Variants in LAMA3 observed in about 807,000 individuals in gnomAD.
LAMA3 encodes the protein laminin subunit alpha-3.
In LAMA3, 281 loss-of-function variants were observed where a neutral mutation model predicts 402.0. The ratio of observed to expected loss-of-function variants is 0.70; its 90% CI spans 0.63 to 0.77. The LOEUF is 0.77. Among genes scored for constraint, LAMA3 ranks in the 30% least tolerant of loss-of-function variants. LAMA3 has a pLI of 0.00. For synonymous variants in LAMA3, 1,431 were observed against 1,558.4 expected (o/e 0.92, Z 1.93); for missense variants, 3,840 against 4,215.5 (o/e 0.91, Z 2.47).
intron 44 of LAMA3, chr18:23,898,500 T>C: frequency 1.8e-6 from 1 of 547,752 alleles, no homozygotes; most frequent in Non-Finnish European, 3.2e-6. Context: ...TTAATTCAAG[T>C]GAAGTAGCTC....
At position 23,763,403 on chromosome 18, in the gene LAMA3, A is replaced by G. The variant is rs756617534; in HGVS notation, c.1064-2A>G. On this transcript the variant is annotated splice_acceptor_variant, in intron 7 of 74. Transcript: ENST00000313654. LOFTEE classifies it high-confidence loss of function. ...TATTGACTTATTATGCTTTTTTTTC[A>G]GCATGCAACTGCCACGGCCATGCCA... is the stretch of plus-strand genomic sequence containing the variant. 73 of 1,596,796 alleles carry G rather than the reference A, an allele frequency of 4.6e-5. No individual in the cohort carries two copies. The highest frequency in any genetic ancestry group is 6.0e-5 in the Non-Finnish European group (70 of 1,164,346).
At chr18:23,813,549 C>CTTTTT (rs2063116117) in intron 14 of LAMA3, among the ~76,000 whole-genome samples, 1 of 132,338 alleles carries the variant, frequency 7.6e-6, no homozygotes. Context: ...CTTTTCTTTT[C>CTTTTT]TTTCTTTTTT....
At chr18:23,832,282 G>A (rs907141753) in intron 23 of LAMA3, among the ~76,000 whole-genome samples, 3 of 152,126 alleles carry the variant, frequency 2.0e-5, no homozygotes, top group African/African-American at 4.8e-5. Flanking sequence ...CTCGCCACAC[G>A]GAGCAGTGGC....
At position 23,877,630 on chromosome 18, in the gene LAMA3, CA is replaced by C. The variant is rs368669425; in HGVS notation, c.5112+1224del. ...GAACTGCTTCCTCTGCAAGATGGGA[CA>C]GGCTAGAAGAGGAAATTGTTGTGAA... On this transcript the variant is annotated intron_variant, in intron 39 of 74. Coordinates refer to ENST00000313654, the MANE Select transcript of LAMA3 (RefSeq NM_198129.4). 2.3e-3 allele frequency among the ~76,000 whole-genome samples: 351 copies of C among 152,264 alleles called. 3 individuals carry two copies. Among genetic ancestry groups the C allele is most frequent in the African/African-American group, 7.8e-3 (326 of 41,532 alleles).
chr18:23,874,967 G>A (rs191149215), intron 38 of LAMA3, among the ~76,000 whole-genome samples: 1 of 152,144 alleles, frequency 6.6e-6, no homozygotes, highest in Non-Finnish European at 1.5e-5. Flanking sequence ...AGGTTCAAGC[G>A]ATCCTCCCAC....
intron 59 of LAMA3, among the ~76,000 whole-genome samples, chr18:23,915,962 T>G (rs1599087679): frequency 8.3e-6 from 1 of 120,604 alleles, no homozygotes; most frequent in Non-Finnish European, 1.6e-5. Context: ...GCCAAGATCA[T>G]GCCACTGCAC....
At chr18:23,749,641 C>G in intron 4 of LAMA3, 95 bp downstream of exon 4, 3 of 816,570 alleles carry the variant, frequency 3.7e-6, no homozygotes, top group Non-Finnish European at 6.6e-6. Context: ...CTTTCAAGGA[C>G]ATCTAACATA....
chr18:23,733,884 G>A (rs556735790), intron 2 of LAMA3, among the ~76,000 whole-genome samples: 36 of 152,250 alleles, frequency 2.4e-4, no homozygotes, highest in South Asian at 1.7e-3. Context: ...CTGATCTACC[G>A]AATTTGAGCT....
At chr18:23,908,533 C>CAAAAA (rs111961159) in intron 54 of LAMA3, among the ~76,000 whole-genome samples, 8 of 56,882 alleles carry the variant, frequency 1.4e-4, no homozygotes, top group African/African-American at 2.2e-4. Context: ...CCATCTCAAA[C>CAAAAA]AAAAAAAAAA....
Position 23,758,516 on chromosome 18 carries a change from G to A in LAMA3, c.1063+5G>A, listed in dbSNP as rs2061899862. ...AGCAGAGCCACGAGTGTGAAGGTGG[G>A]TGTGGGGATGGGGTGGGGGCCACAC... On this transcript the variant is annotated splice_donor_5th_base_variant and intron_variant, in intron 7 of 74. Transcript: ENST00000313654. 1 of 1,608,596 alleles carries A rather than the reference G, an allele frequency of 6.2e-7. No homozygotes were observed. The highest frequency in any genetic ancestry group is 8.5e-7 in the Non-Finnish European group (1 of 1,176,938).
chr18:23,792,145 A>T (rs951363251), intron 12 of LAMA3, among the ~76,000 whole-genome samples: 1 of 151,726 alleles, frequency 6.6e-6, no homozygotes, highest in African/African-American at 2.4e-5. Context: ...GTTGCCGTGA[A>T]CTCCTTACCC....
chr18:23,922,636 A>C (rs1489085543), intron 62 of LAMA3, among the ~76,000 whole-genome samples: 1 of 152,250 alleles, frequency 6.6e-6, no homozygotes, highest in Admixed American at 6.5e-5. Context: ...ACAAATGAAG[A>C]AATTCAGAGC....
chr18:23,898,951 T>C lies in LAMA3; in HGVS notation c.5725-3T>C, dbSNP rs779221319. On this transcript the variant is annotated splice_region_variant and splice_polypyrimidine_tract_variant and intron_variant, in intron 45 of 74. Coordinates refer to ENST00000313654, the MANE Select transcript of LAMA3 (RefSeq NM_198129.4). ...GCTGCTAATCAATTTATTTTTCATA[T>C]AGGCTCAAGTAAATTCCAGAAAAGC... 3.1e-6 allele frequency: 5 copies of C among 1,611,282 alleles called. No individual in the cohort carries two copies. Among genetic ancestry groups the C allele is most frequent in the South Asian group, 2.2e-5 (2 of 91,018 alleles).
At chr18:23,873,037 G>A (rs1239224903) in intron 38 of LAMA3, 1 of 1,614,054 alleles carries the variant, frequency 6.2e-7, no homozygotes, top group African/African-American at 1.3e-5. Context: ...GGACGTCCAG[G>A]AACCGGGATG....
rs1372806728 is a variant in LAMA3 at position 23,931,114 on chromosome 18, G to A, written c.8489G>A (p.Ser2830Asn). 2.5e-6 allele frequency: 4 copies of A among 1,613,498 alleles called. No homozygotes were observed. The highest frequency in any genetic ancestry group is 2.5e-6 in the Non-Finnish European group (3 of 1,179,482). ...GATGGTTACATTGAATTGAGCACCAGCGATAGCGGCGGCCCAATTTTTAAA... is the reference window on the plus strand; with the variant it reads ...GATGGTTACATTGAATTGAGCACCAACGATAGCGGCGGCCCAATTTTTAAA... Reference protein sequence around the residue: ...LEDGYIELSTSDSGGPIFKSP... With the variant: ...LEDGYIELSTNDSGGPIFKSP... The change falls in exon 65 of 75, where the codon AGC (serine) becomes AAC (asparagine). Residue 2830 changes from serine to asparagine, a missense_variant. Physicochemically the swap from Ser to Asn is conservative, Grantham distance 46 (BLOSUM62 1). Around this residue, in one of 3 missense-constraint regions of LAMA3, gnomAD observed 840 missense variants for 981.9 expected, o/e 0.86. Transcript: ENST00000313654.
chr18:23,768,165 CA>C (rs58720366), intron 8 of LAMA3, among the ~76,000 whole-genome samples: 82,716 of 142,076 alleles, frequency 0.58, 23,515 homozygotes, highest in Admixed American at 0.65. Flanking sequence ...TTCTATACTA[CA>C]AAAAAAAAAA....
In LAMA3 at chr18:23,931,087, A is replaced by C; in HGVS notation, c.8462A>C (p.Glu2821Ala). 6.2e-7 allele frequency: 1 copy of C among 1,613,860 alleles called. No homozygotes were observed. The highest frequency in any genetic ancestry group is 8.5e-7 in the Non-Finnish European group (1 of 1,179,744). ...ACAAGGAACCTGCAGGTCACTCTGGAAGATGGTTACATTGAATTGAGCACC... is the reference window on the plus strand; with the variant it reads ...ACAAGGAACCTGCAGGTCACTCTGGCAGATGGTTACATTGAATTGAGCACC... The part of the protein sequence containing the change: ...TWTRNLQVTL[E>A]DGYIELSTSD... Residue 2821 changes from glutamate (E) to alanine (A), a missense_variant, in exon 65 of 75, where the codon GAA becomes GCA. This residue lies in a region of LAMA3 where 840 missense variants were observed against 981.9 expected (regional missense o/e 0.86). Coordinates refer to ENST00000313654, the MANE Select transcript of LAMA3 (RefSeq NM_198129.4).
intron 54 of LAMA3, among the ~76,000 whole-genome samples, chr18:23,908,712 G>C (rs914927304): frequency 1.3e-5 from 2 of 151,976 alleles, no homozygotes; most frequent in East Asian, 3.9e-4. Context: ...CCCCTACTGG[G>C]TGTGTGAACC....
At chr18:23,718,733 C>T (rs185530773) in intron 2 of LAMA3, among the ~76,000 whole-genome samples, 6 of 152,316 alleles carry the variant, frequency 3.9e-5, no homozygotes, top group African/African-American at 1.4e-4. Context: ...CCCTGGTCCC[C>T]CTCTGAGTGG....
Sources: allele counts gnomAD v4.1 joint callset (sites outside exome capture counted in the v4.1 genomes callset), GRCh38; gene constraint gnomAD v4.1.1; regional missense constraint gnomAD v4.1.1; transcripts MANE v1.5; gene names NCBI Gene and HGNC (gene_info 2026-07-23, HGNC 2026-07-21).